The following MYH9 variants were observed in gnomAD, a reference collection of about 807,000 sequenced individuals.
The protein encoded by MYH9 is myosin-9.
In MYH9, 29 loss-of-function variants were observed where a neutral mutation model predicts 241.9. The ratio of observed to expected loss-of-function variants is 0.12; its 90% confidence interval spans 0.09 to 0.16. The LOEUF (loss-of-function observed/expected upper bound fraction) is 0.16. Among genes scored for constraint, MYH9 ranks in the 10% least tolerant of loss-of-function variants. The pLI, the probability that MYH9 is intolerant of heterozygous loss-of-function variation, is 1.00. For synonymous variants in MYH9, 1,047 were observed against 1,062.6 expected (o/e 0.99, Z 0.29); for missense variants, 1,803 against 2,595.5 (o/e 0.69, Z 6.63).
chr22:36,345,669 T>C (rs1358036516), intron 2 of MYH9, among the ~76,000 whole-genome samples: 2 of 152,184 alleles, frequency 1.3e-5, no homozygotes, highest in Non-Finnish European at 2.9e-5. Flanking sequence ...TGGTTAATAC[T>C]CCTTAGGGAC....
At chr22:36,283,590 AC>A (rs1476515528) in intron 40 of MYH9, among the ~76,000 whole-genome samples, 1 of 151,896 alleles carries the variant, frequency 6.6e-6, no homozygotes, top group Non-Finnish European at 1.5e-5. Flanking sequence ...TAAGAAAAAA[AC>A]ATGTAAGAAA....
chr22:36,297,312 G>C (rs1470210274), intron 24 of MYH9: 2 of 415,300 alleles, frequency 4.8e-6, no homozygotes, highest in Non-Finnish European at 8.8e-6. Flanking sequence ...TACCATGTCT[G>C]TATCTCTAAA....
chr22:36,316,572 C>T lies in MYH9; in HGVS notation c.1325G>A (p.Arg442Lys). Residue 442 changes from arginine (R) to lysine (K), a missense_variant, in exon 12 of 41, where the codon AGG (arginine) becomes AAG (lysine). Physicochemically the swap from Arg to Lys is conservative, Grantham distance 26. This residue lies in a region of MYH9 where 222 missense variants were observed against 359.9 expected (regional missense o/e 0.62). Transcript: ENST00000216181. ...RINKALDKTK[R>K]QGASFIGILD... ...GATCCCGATGAAGGAGGCGCCCTGC[C>T]TCTTGGTCTTGTCCAGAGCCTTGTT... 4 of 1,614,156 alleles carry T rather than the reference C, an allele frequency of 2.5e-6. No individual in the cohort carries two copies. The highest frequency in any genetic ancestry group is 3.4e-6 in the Non-Finnish European group (4 of 1,180,038).
chr22:36,379,978 C>T (rs2018231035), intron 1 of MYH9, among the ~76,000 whole-genome samples: 1 of 152,210 alleles, frequency 6.6e-6, no homozygotes, highest in Non-Finnish European at 1.5e-5. Context: ...GGGCAGCTCC[C>T]CTCCTGCCTC....
chr22:36,365,518 G>C (rs1047304155), intron 1 of MYH9, among the ~76,000 whole-genome samples: 31 of 152,006 alleles, frequency 2.0e-4, no homozygotes, highest in Admixed American at 2.0e-3. Flanking sequence ...CCAGGCTGGA[G>C]TGCAGTGGCA....
chr22:36,284,633 C>A (rs1451305112), intron 38 of MYH9, 122 bp from the exon 39 acceptor site: 1 of 910,174 alleles, frequency 1.1e-6, no homozygotes, highest in Non-Finnish European at 1.7e-6. Flanking sequence ...CGTAGGGAGG[C>A]CTTTGCTAGA....
chr22:36,373,355 ACTT>A (rs754116052), intron 1 of MYH9, among the ~76,000 whole-genome samples: 6 of 151,796 alleles, frequency 4.0e-5, no homozygotes, highest in South Asian at 2.1e-4. Flanking sequence ...TCCCTTGGAG[ACTT>A]CTTCTCTCCC....
Position 36,317,826 on chromosome 22 carries a change from C to T in MYH9, c.1227+381G>A, listed in dbSNP as rs565148606. ...GAGAAACAGCCGCTTGGCACAGGCT[C>T]GAGGATGGCGGGAGCCGCCACCCTG... On this transcript the variant is annotated intron_variant, in intron 11 of 40. Coordinates refer to ENST00000216181, the MANE Select transcript of MYH9 (RefSeq NM_002473.6). 3.3e-5 allele frequency among the ~76,000 whole-genome samples: 5 copies of T among 152,362 alleles called. No homozygotes were observed. In the East Asian group the frequency reaches 7.7e-4, roughly 23 times the overall value.
In MYH9 at chr22:36,294,072, G is replaced by A; in HGVS notation, c.3837+20C>T. Reference sequence around the variant, plus strand: ...TGCTAGGGCCCACTGCCCGCGCCAGGGTCCTGGCGGAGGCCTCACCTGCAG... The same window carrying A: ...TGCTAGGGCCCACTGCCCGCGCCAGAGTCCTGGCGGAGGCCTCACCTGCAG... On this transcript the variant is annotated intron_variant, in intron 28 of 40. Coordinates refer to ENST00000216181, the MANE Select transcript of MYH9 (RefSeq NM_002473.6). 1.2e-6 allele frequency: 2 copies of A among 1,606,020 alleles called. No individual in the cohort carries two copies. Among genetic ancestry groups the A allele is most frequent in the Non-Finnish European group, 8.5e-7 (1 of 1,179,924 alleles).
chr22:36,302,922 G>A (rs1249097224), intron 19 of MYH9, among the ~76,000 whole-genome samples: 2 of 152,214 alleles, frequency 1.3e-5, no homozygotes, highest in African/African-American at 4.8e-5. Flanking sequence ...CCCCTCCACT[G>A]AGGTGCCCAT....
At chr22:36,286,060 C>T (rs2016575222) in intron 35 of MYH9, 107 bp from the exon 36 acceptor site, 3 of 1,193,642 alleles carry the variant, frequency 2.5e-6, no homozygotes, top group Non-Finnish European at 3.6e-6. Flanking sequence ...GGCCCACCTC[C>T]CCACGAAGCC....
intron 14 of MYH9, among the ~76,000 whole-genome samples, chr22:36,310,715 C>T (rs925619422): frequency 3.9e-5 from 6 of 152,228 alleles, no homozygotes; most frequent in East Asian, 1.9e-4. Context: ...GCACAGCCCA[C>T]GGAAAGACGC....
chr22:36,293,807 C>A lies in MYH9; in HGVS notation c.3894G>T (p.Lys1298Asn), dbSNP rs755837040. The change falls in exon 29 of 41, where the codon AAG becomes AAT. Residue 1298 changes from lysine (K) to asparagine (N), a missense_variant. This residue lies in a region of MYH9 where 876 missense variants were observed against 1,077.8 expected (regional missense o/e 0.81). Coordinates refer to ENST00000216181, the MANE Select transcript of MYH9 (RefSeq NM_002473.6). This position sits in a 1 kb window ranked among gnomAD's most constrained non-coding sequence, Gnocchi z 5.1. ...CCAGCGCGGAGAAGTCCTTGGTGAGCTTGCTGGACTTGCTGTCGGACTGGC... is the reference window on the plus strand; with the variant it reads ...CCAGCGCGGAGAAGTCCTTGGTGAGATTGCTGGACTTGCTGTCGGACTGGC... Reference protein sequence around the residue: ...LLSQSDSKSSKLTKDFSALES... With the variant: ...LLSQSDSKSSNLTKDFSALES... 1.8e-5 allele frequency: 29 copies of A among 1,613,822 alleles called. No homozygotes were observed. The South Asian group carries it at 3.0e-4, about 16-fold the overall frequency.
At chr22:36,351,683 C>G (rs2017767390) in intron 1 of MYH9, among the ~76,000 whole-genome samples, 1 of 152,146 alleles carries the variant, frequency 6.6e-6, no homozygotes, top group Admixed American at 6.5e-5. Flanking sequence ...CTGCCCTGCT[C>G]AAGACCTTGC....
At chr22:36,319,336 G>GT (rs921731025) in intron 10 of MYH9, among the ~76,000 whole-genome samples, 1 of 152,116 alleles carries the variant, frequency 6.6e-6, no homozygotes, top group African/African-American at 2.4e-5. Context: ...ATGATCACAA[G>GT]TTTAAGTTAT....
intron 2 of MYH9, among the ~76,000 whole-genome samples, chr22:36,348,524 T>A (rs1018671547): frequency 7.1e-6 from 1 of 140,678 alleles, no homozygotes; most frequent in African/African-American, 3.1e-5. Flanking sequence ...AAAAAAAAAA[T>A]TAAATTAAAT....
chr22:36,349,833 G>A (rs1211495349), intron 1 of MYH9, among the ~76,000 whole-genome samples: 2 of 152,222 alleles, frequency 1.3e-5, no homozygotes, highest in Non-Finnish European at 2.9e-5. Flanking sequence ...CTCAAAGACA[G>A]ATGCAATTCA....
intron 1 of MYH9, among the ~76,000 whole-genome samples, chr22:36,350,953 G>T (rs920439203): frequency 6.6e-6 from 1 of 152,122 alleles, no homozygotes; most frequent in African/African-American, 2.4e-5. Context: ...CTCCCCTCAG[G>T]CCCCTGCAAT....
Position 36,300,309 on chromosome 22 carries a change from A to G in MYH9, c.2839-45T>C. On this transcript the variant is annotated intron_variant, in intron 22 of 40. Coordinates refer to ENST00000216181, the MANE Select transcript of MYH9 (RefSeq NM_002473.6). This position sits in a 1 kb window ranked among gnomAD's most constrained non-coding sequence, Gnocchi z 5.0. ...CGGTAAGGACAGCAGGCCCAGAGGC[A>G]TGGCCAAGGTGAAGGCAGCAAGGTC... The G allele has an allele frequency of 6.2e-7, 1 of 1,608,610 alleles. No homozygotes were observed. The highest frequency in any genetic ancestry group is 1.7e-4 in the Middle Eastern group (1 of 6,058).
Sources: gnomAD v4.1 joint callset for allele counts (sites outside exome capture counted in the v4.1 genomes callset) on GRCh38, gnomAD v4.1.1 for gene constraint, gnomAD v4.1.1 regional missense constraint, Gnocchi (gnomAD v3.1) non-coding constraint, MANE v1.5 for transcripts, NCBI Gene and HGNC (gene_info 2026-07-23, HGNC 2026-07-21) for gene names.